Variants in METAP2 observed in about 807,000 individuals in gnomAD.
METAP2 encodes methionyl aminopeptidase 2, also known as methionine aminopeptidase 2.
In METAP2, 25 loss-of-function variants were observed where a neutral mutation model predicts 59.4. The observed-to-expected ratio is 0.42, with a 90% CI of 0.31 to 0.59. The LOEUF (loss-of-function observed/expected upper bound fraction) is 0.59, where lower values mean the gene tolerates loss of function less well. Ranked by LOEUF, METAP2 falls within the 20% of genes least tolerant of loss-of-function variation. The pLI is 0.16. For missense variants in METAP2, 366 were observed against 581.2 expected (o/e 0.63, Z 3.81); for synonymous variants, 214 against 194.1 (o/e 1.10, Z -0.85).
intron 7 of METAP2, among the ~76,000 whole-genome samples, chr12:95,496,746 A>AG: frequency 6.6e-6 from 1 of 150,654 alleles, no homozygotes; most frequent in African/African-American, 2.4e-5. Flanking sequence ...CACCCACTCA[A>AG]ATTTTTTTTT....
At chr12:95,489,706 C>T (rs905112717) in intron 4 of METAP2, among the ~76,000 whole-genome samples, 1 of 152,112 alleles carries the variant, frequency 6.6e-6, no homozygotes, top group Non-Finnish European at 1.5e-5. Context: ...GGCATGGTGG[C>T]GCATGCCTGT....
chr12:95,478,123 A>T (rs1214779434), intron 2 of METAP2, among the ~76,000 whole-genome samples: 1 of 145,796 alleles, frequency 6.9e-6, no homozygotes, highest in Non-Finnish European at 1.5e-5. Context: ...ACCTCCCCCC[A>T]CCCCCCAAAA....
intron 8 of METAP2, among the ~76,000 whole-genome samples, chr12:95,511,295 TTTG>T (rs1213803542): frequency 6.6e-6 from 1 of 152,212 alleles, no homozygotes; most frequent in Non-Finnish European, 1.5e-5. Context: ...TGGCATTTTA[TTTG>T]TTGTTAACAG....
At chr12:95,495,452 A>G (rs927822445) in intron 6 of METAP2, among the ~76,000 whole-genome samples, 9 of 150,026 alleles carry the variant, frequency 6.0e-5, no homozygotes, top group African/African-American at 2.2e-4. Flanking sequence ...ATTGTTTCAT[A>G]TCTCTTTTAT....
At chr12:95,474,386 C>T in intron 1 of METAP2, 56 bp downstream of exon 1, 1 of 1,576,110 alleles carries the variant, frequency 6.3e-7, no homozygotes, top group Non-Finnish European at 8.6e-7. Context: ...AACTGTTTGG[C>T]TCAGGCCCGT....
At chr12:95,480,600 C>T (rs1197166408) in intron 2 of METAP2, among the ~76,000 whole-genome samples, 1 of 152,164 alleles carries the variant, frequency 6.6e-6, no homozygotes, top group East Asian at 1.9e-4. Context: ...TTAATATGCA[C>T]TTCCCTAATG....
At chr12:95,490,024 A>G (rs990290756) in intron 4 of METAP2, among the ~76,000 whole-genome samples, 18 of 151,994 alleles carry the variant, frequency 1.2e-4, no homozygotes, top group Non-Finnish European at 2.1e-4. Context: ...ATAACATTCC[A>G]TTTTCTCCTT....
chr12:95,492,977 A>T (rs976863699), intron 4 of METAP2, among the ~76,000 whole-genome samples: 1 of 152,238 alleles, frequency 6.6e-6, no homozygotes, highest in Admixed American at 6.5e-5. Flanking sequence ...TTTTATTTAT[A>T]AAACAGGGGA....
chr12:95,495,185 T>A, intron 6 of METAP2, 47 bp downstream of exon 6: 1 of 1,502,680 alleles, frequency 6.7e-7, no homozygotes. Flanking sequence ...CCTGAAAAAC[T>A]AGTTTTTGTC....
At position 95,476,194 on chromosome 12, in the gene METAP2, G is replaced by T. The variant is rs1163049408; in HGVS notation, c.259+16G>T. 1.3e-6 allele frequency: 2 copies of T among 1,523,764 alleles called. No homozygotes were observed. Among genetic ancestry groups the T allele is most frequent in the African/African-American group, 1.4e-5 (1 of 72,832 alleles). The allele number at this position is 1,523,764 out of a possible 1,614,324, so 94.4% of individuals were successfully genotyped here. ...GATGATGAAGGTAAATGGTTAATTTGATCTTTGTGGTTAGAAAAGCTAGAA... is the reference window on the plus strand; with the variant it reads ...GATGATGAAGGTAAATGGTTAATTTTATCTTTGTGGTTAGAAAAGCTAGAA... On this transcript the variant is annotated intron_variant, in intron 2 of 10. Transcript: ENST00000323666.
intron 4 of METAP2, 119 bp from the exon 5 acceptor site, chr12:95,493,937 A>G (rs922934324): frequency 2.6e-6 from 2 of 779,474 alleles, no homozygotes; most frequent in Admixed American, 3.4e-5. Flanking sequence ...AACTTTATTG[A>G]CATAAACTGA....
chr12:95,506,066 C>T (rs897996653), intron 8 of METAP2, among the ~76,000 whole-genome samples: 7 of 151,508 alleles, frequency 4.6e-5, no homozygotes, highest in African/African-American at 1.7e-4. Context: ...CATTGCACTC[C>T]AGCCTGGGCG....
intron 4 of METAP2, among the ~76,000 whole-genome samples, chr12:95,489,517 C>A (rs2140146769): frequency 6.6e-6 from 1 of 152,276 alleles, no homozygotes; most frequent in East Asian, 1.9e-4. Flanking sequence ...CCAGTTTTGA[C>A]TATTTGCAAA....
At chr12:95,513,090 TACACACACACACACACACACACAC>T (rs60788079) in intron 10 of METAP2, among the ~76,000 whole-genome samples, 174 bp downstream of exon 10, 2 of 136,092 alleles carry the variant, frequency 1.5e-5, no homozygotes, top group Non-Finnish European at 3.2e-5. Flanking sequence ...AGATAAAAAT[TACACACACACACACACACACACAC>T]ACACACACAC....
intron 4 of METAP2, among the ~76,000 whole-genome samples, chr12:95,490,388 C>A (rs2076228840): frequency 6.8e-6 from 1 of 146,090 alleles, no homozygotes; most frequent in Non-Finnish European, 1.5e-5. Context: ...CATACATTGT[C>A]AATTTGCTCC....
intron 2 of METAP2, among the ~76,000 whole-genome samples, chr12:95,482,530 A>G (rs2076166359): frequency 1.3e-5 from 2 of 152,028 alleles, no homozygotes; most frequent in South Asian, 4.1e-4. Flanking sequence ...CTATAATCCC[A>G]GGACTTGGGA....
intron 1 of METAP2, 23 bp from the exon 2 acceptor site, chr12:95,476,048 T>C: frequency 7.0e-7 from 1 of 1,431,664 alleles, no homozygotes; most frequent in South Asian, 1.2e-5. Flanking sequence ...TAGATTTGAT[T>C]TCTGCTATTT....
chr12:95,504,656 A>G (rs2076344546), intron 8 of METAP2, among the ~76,000 whole-genome samples: 2 of 152,058 alleles, frequency 1.3e-5, no homozygotes, highest in African/African-American at 2.4e-5. Flanking sequence ...GGTGTGGGCC[A>G]CCATGCCCGG....
chr12:95,475,390 A>G (rs1314138191), intron 1 of METAP2, among the ~76,000 whole-genome samples: 2 of 152,196 alleles, frequency 1.3e-5, no homozygotes, highest in Non-Finnish European at 1.5e-5. Context: ...GTGAAATTCA[A>G]ACACTGCTGT....
Sources: gnomAD v4.1 joint callset for allele counts (sites outside exome capture counted in the v4.1 genomes callset) on GRCh38, gnomAD v4.1.1 for gene constraint, MANE v1.5 for transcripts, NCBI Gene and HGNC (gene_info 2026-07-23, HGNC 2026-07-21) for gene names.